ANO3: variants seen among roughly 807,000 people sequenced by gnomAD.
The protein encoded by ANO3 is anoctamin-3.
Under a neutral mutation model 144.8 loss-of-function variants are expected in ANO3, and 99 were observed. That is an observed-to-expected ratio of 0.68 (90% CI 0.58 to 0.81). The LOEUF is 0.81. Among genes scored for constraint, ANO3 ranks in the 30% least tolerant of loss-of-function variants. The pLI, the probability that ANO3 is intolerant of heterozygous loss-of-function variation, is 0.00. For missense variants in ANO3, 905 were observed against 1,202.2 expected (o/e 0.75, Z 3.66); for synonymous variants, 414 against 392.6 (o/e 1.05, Z -0.64).
chr11:26,478,485 A>G (rs1042895625), intron 4 of ANO3, among the ~76,000 whole-genome samples: 1 of 152,132 alleles, frequency 6.6e-6, no homozygotes, highest in Non-Finnish European at 1.5e-5. Flanking sequence ...AAGCTAGCCA[A>G]TAGAATTCTC....
chr11:26,416,909 A>G (rs1314399711), intron 1 of ANO3, among the ~76,000 whole-genome samples: 1 of 152,070 alleles, frequency 6.6e-6, no homozygotes, highest in African/African-American at 2.4e-5. Context: ...ATTTATCTCT[A>G]AGGTGTGGTC....
At chr11:26,630,225 T>G (rs1852732243) in intron 18 of ANO3, among the ~76,000 whole-genome samples, 1 of 152,212 alleles carries the variant, frequency 6.6e-6, no homozygotes, top group Admixed American at 6.5e-5. Context: ...GATTTAGAGG[T>G]ATGTGGTTCT....
intron 1 of ANO3, among the ~76,000 whole-genome samples, chr11:26,369,397 T>G (rs1856185937): frequency 6.6e-6 from 1 of 152,252 alleles, no homozygotes; most frequent in Non-Finnish European, 1.5e-5. Flanking sequence ...TCCTCCTCCT[T>G]CTCCTCCTTC....
At chr11:26,199,892 A>G (rs1172101711) in intron 1 of ANO3, among the ~76,000 whole-genome samples, 1 of 152,188 alleles carries the variant, frequency 6.6e-6, no homozygotes, top group African/African-American at 2.4e-5. Flanking sequence ...ATGTTAGTAG[A>G]TAAAACCACA....
At chr11:26,553,185 G>C (rs1849982300) in intron 12 of ANO3, 64 bp from the exon 13 acceptor site, 2 of 1,216,392 alleles carry the variant, frequency 1.6e-6, no homozygotes, top group South Asian at 2.5e-5. Context: ...TAGGGGCTAA[G>C]TGAATTCTTA....
At chr11:26,283,864 T>G (rs892487666) in intron 1 of ANO3, among the ~76,000 whole-genome samples, 1 of 152,076 alleles carries the variant, frequency 6.6e-6, no homozygotes, top group African/African-American at 2.4e-5. Flanking sequence ...AAAGGAAAAC[T>G]GAGAGGTGGG....
intron 10 of ANO3, among the ~76,000 whole-genome samples, chr11:26,540,530 G>A (rs544945803): frequency 6.6e-6 from 1 of 152,158 alleles, no homozygotes; most frequent in African/African-American, 2.4e-5. Flanking sequence ...CCTACAGAAT[G>A]AGAGAAAAAT....
At chr11:26,298,512 G>T (rs1314843280) in intron 1 of ANO3, among the ~76,000 whole-genome samples, 3 of 152,118 alleles carry the variant, frequency 2.0e-5, no homozygotes, top group Admixed American at 6.5e-5. Flanking sequence ...GTTATTTCAG[G>T]CCTTGTAGAG....
intron 1 of ANO3, among the ~76,000 whole-genome samples, chr11:26,268,094 C>G (rs1235673559): frequency 6.6e-6 from 1 of 152,070 alleles, no homozygotes; most frequent in African/African-American, 2.4e-5. Context: ...TCAGCATTTA[C>G]TGAGTATTTA....
intron 14 of ANO3, among the ~76,000 whole-genome samples, chr11:26,564,716 CACACACACACACACACATAT>C (rs1565108572): frequency 2.7e-5 from 2 of 74,352 alleles, no homozygotes; most frequent in Non-Finnish European, 5.2e-5. Context: ...CACACACACA[CACACACACACACACACATAT>C]ATATATATAT....
chr11:26,449,964 C>G (rs1858864582), intron 3 of ANO3, among the ~76,000 whole-genome samples: 1 of 152,080 alleles, frequency 6.6e-6, no homozygotes. Flanking sequence ...CCATGTTGGG[C>G]AGGCTGGTCT....
At chr11:26,205,497 C>T (rs529351989) in intron 1 of ANO3, among the ~76,000 whole-genome samples, 19 of 152,082 alleles carry the variant, frequency 1.2e-4, no homozygotes, top group Non-Finnish European at 2.6e-4. Context: ...GATCAAGAAG[C>T]CTACTGACAG....
intron 1 of ANO3, among the ~76,000 whole-genome samples, chr11:26,264,123 G>A (rs1368366210): frequency 6.6e-6 from 1 of 152,178 alleles, no homozygotes; most frequent in Non-Finnish European, 1.5e-5. Flanking sequence ...GGCTGAAGTG[G>A]TAAGAATAGA....
intron 1 of ANO3, among the ~76,000 whole-genome samples, chr11:26,360,650 A>G (rs1855901379): frequency 6.6e-6 from 1 of 152,142 alleles, no homozygotes; most frequent in Admixed American, 6.5e-5. Context: ...GGTGAATTAT[A>G]TCATCTGTAT....
intron 14 of ANO3, among the ~76,000 whole-genome samples, chr11:26,593,443 A>C (rs148037280): frequency 9.2e-5 from 14 of 152,232 alleles, no homozygotes; most frequent in African/African-American, 3.4e-4. Flanking sequence ...ACAGATCTGG[A>C]GGACAGATGT....
chr11:26,193,004 T>G (rs1490727145), intron 1 of ANO3, among the ~76,000 whole-genome samples: 1 of 152,146 alleles, frequency 6.6e-6, no homozygotes, highest in Non-Finnish European at 1.5e-5. Flanking sequence ...GGTGGTTTGC[T>G]GCACCCATCA....
intron 18 of ANO3, among the ~76,000 whole-genome samples, chr11:26,625,204 C>T (rs1350591333): frequency 6.6e-6 from 1 of 152,198 alleles, no homozygotes; most frequent in Non-Finnish European, 1.5e-5. Flanking sequence ...GGATTACAGG[C>T]GTGAGCCACT....
intron 3 of ANO3, among the ~76,000 whole-genome samples, chr11:26,445,292 A>T (rs572550720): frequency 6.6e-6 from 1 of 152,342 alleles, no homozygotes; most frequent in South Asian, 2.1e-4. Flanking sequence ...CTTGTCCAAA[A>T]TATCCATACA....
intron 1 of ANO3, among the ~76,000 whole-genome samples, chr11:26,259,000 C>CAGGT: frequency 6.6e-6 from 1 of 152,190 alleles, no homozygotes; most frequent in Admixed American, 6.5e-5. Context: ...GTTAACTTCA[C>CAGGT]AGGTGGACCT....
Sources: allele counts gnomAD v4.1 joint callset (sites outside exome capture counted in the v4.1 genomes callset), GRCh38; gene constraint gnomAD v4.1.1; transcripts MANE v1.5; gene names NCBI Gene and HGNC (gene_info 2026-07-23, HGNC 2026-07-21).